Variants in OPA3 observed in about 807,000 individuals in gnomAD.
OPA3 encodes optic atrophy 3 protein.
Under a neutral mutation model 4.0 loss-of-function variants are expected in OPA3, and 6 were observed. That is an observed-to-expected ratio of 1.51 (90% CI 0.83 to 2.99). The LOEUF (loss-of-function observed/expected upper bound fraction) is 2.99. OPA3 is among the 30% of genes most tolerant of loss of function. The probability of loss-of-function intolerance (pLI) is 0.00; values close to 1 mark genes in which losing one functional copy is unlikely to be tolerated. For missense variants in OPA3, 235 were observed against 256.2 expected (o/e 0.92, Z 0.56); for synonymous variants, 105 against 117.1 (o/e 0.90, Z 0.67).
chr19:45,573,061 T>C (rs934697328), intron 1 of OPA3, among the ~76,000 whole-genome samples: 1 of 151,918 alleles, frequency 6.6e-6, no homozygotes, highest in Non-Finnish European at 1.5e-5. Flanking sequence ...AGTCAGTGGC[T>C]ACAAATTCTC....
intron 1 of OPA3, among the ~76,000 whole-genome samples, chr19:45,576,549 A>C (rs1182414542): frequency 7.2e-6 from 1 of 138,800 alleles, no homozygotes; most frequent in African/African-American, 2.8e-5. Flanking sequence ...CCCCCCCCCA[A>C]AAAAAAAAGT....
At position 45,551,034 on chromosome 19, in the gene OPA3, C is replaced by T. The variant is rs1025295524; in HGVS notation, c.*2480G>A. 12 of 848,778 alleles carry T rather than the reference C, an allele frequency of 1.4e-5. No individual in the cohort carries two copies. Among genetic ancestry groups the T allele is most frequent in the Middle Eastern group, 6.0e-4 (1 of 1,666 alleles). The allele number at this position is 848,778 out of a possible 1,614,324, so 52.6% of individuals were successfully genotyped here. A position where few individuals can be genotyped will look rare whatever the true frequency, so the allele number is the denominator to read the frequency against. On this transcript the variant is annotated 3_prime_UTR_variant, in exon 2 of 2. Coordinates refer to ENST00000263275, the MANE Select transcript of OPA3 (RefSeq NM_025136.4). Reference sequence around the variant, plus strand: ...GGAGTGTAGTGGCGCGATCACGGCTCGCTGCAGCCTCGACCTCCAGGGCTC... The same window carrying T: ...GGAGTGTAGTGGCGCGATCACGGCTTGCTGCAGCCTCGACCTCCAGGGCTC...
chr19:45,565,238 A>C (rs1969565483), intron 1 of OPA3, among the ~76,000 whole-genome samples: 1 of 151,964 alleles, frequency 6.6e-6, no homozygotes. Flanking sequence ...GTCTCAAAAA[A>C]CAAAACAAAA....
chr19:45,572,280 TATATATCGATATATATCTC>T (rs1568408891), intron 1 of OPA3, among the ~76,000 whole-genome samples: 8 of 134,114 alleles, frequency 6.0e-5, no homozygotes, highest in Non-Finnish European at 1.1e-4. Flanking sequence ...ATATATAGTA[TATATATCGATATATATCTC>T]ATATATATCG....
At chr19:45,581,948 G>A (rs567785209) in intron 1 of OPA3, among the ~76,000 whole-genome samples, 13 of 152,066 alleles carry the variant, frequency 8.5e-5, no homozygotes, top group South Asian at 2.1e-4. Context: ...ACAGATGTGC[G>A]CCACCACACC....
Position 45,551,979 on chromosome 19 carries a change from G to A in OPA3, c.*1535C>T. On this transcript the variant is annotated 3_prime_UTR_variant, in exon 2 of 2. Coordinates refer to ENST00000263275, the MANE Select transcript of OPA3 (RefSeq NM_025136.4). ...ACAGTACAAGCTCCAGGGACTCTGA[G>A]GACAGGAAAATAGGGGGCTGAGGCT... The A allele has an allele frequency of 1.0e-6, 1 of 985,538 alleles. No individual in the cohort carries two copies. The highest frequency in any genetic ancestry group is 1.2e-6 in the Non-Finnish European group (1 of 830,034). The allele number at this position is 985,538 out of a possible 1,614,324, so 61.0% of individuals were successfully genotyped here. A position where few individuals can be genotyped will look rare whatever the true frequency, so the allele number is the denominator to read the frequency against.
At chr19:45,569,464 A>C (rs1231491786) in intron 1 of OPA3, among the ~76,000 whole-genome samples, 1 of 152,144 alleles carries the variant, frequency 6.6e-6, no homozygotes, top group African/African-American at 2.4e-5. Flanking sequence ...GTCTCAAAAT[A>C]AACAAAAAAG....
chr19:45,567,992 TGAC>T (rs1232803659), intron 1 of OPA3, among the ~76,000 whole-genome samples: 2 of 152,134 alleles, frequency 1.3e-5, no homozygotes, highest in Non-Finnish European at 2.9e-5. Context: ...ATGATGATGA[TGAC>T]AATGATTATT....
chr19:45,552,842 A>C lies in OPA3; in HGVS notation c.*672T>G, dbSNP rs933462804. 6.6e-5 allele frequency: 16 copies of C among 243,932 alleles called. No individual in the cohort carries two copies. The highest frequency in any genetic ancestry group is 3.5e-4 in the African/African-American group (15 of 43,096). The allele number at this position is 243,932 out of a possible 1,614,324, so 15.1% of individuals were successfully genotyped here. A position where few individuals can be genotyped will look rare whatever the true frequency, so the allele number is the denominator to read the frequency against. ...AAGCGCACCCCACCACACCCGGCTA[A>C]TTTTTGTATTTTTAGTAGAGACGGA... On this transcript the variant is annotated 3_prime_UTR_variant, in exon 2 of 2. Transcript: ENST00000263275.
At chr19:45,561,282 G>A (rs754176111) in intron 1 of OPA3, among the ~76,000 whole-genome samples, 8 of 152,120 alleles carry the variant, frequency 5.3e-5, no homozygotes, top group Non-Finnish European at 1.2e-4. Context: ...ACGGTGAGCC[G>A]AGATCATGCC....
At chr19:45,539,620 A>C (rs1969160118) in intron 1 of OPA3, among the ~76,000 whole-genome samples, 2 of 151,910 alleles carry the variant, frequency 1.3e-5, no homozygotes, top group Admixed American at 6.6e-5. Context: ...CCAGCCAAAA[A>C]ACACAAAAAT....
chr19:45,580,027 C>T lies in OPA3; in HGVS notation c.142+4596G>A, dbSNP rs1253753013. Among the ~76,000 whole-genome samples the T allele has an allele frequency of 1.2e-4, 17 of 143,184 alleles. 1 individual carries two copies. The Middle Eastern group carries it at 0.011, about 94-fold the overall frequency. 93.9% of individuals were successfully genotyped at this position (143,184 alleles called of 152,430 possible). The stretch of plus-strand genomic sequence containing the variant: ...TTTTTTTTTTTTTGATATGGAGTCT[C>T]GCTCTGTCACCCAGGCTGGAGTGTA... On this transcript the variant is annotated intron_variant, in intron 1 of 1. Coordinates refer to ENST00000263275, the MANE Select transcript of OPA3 (RefSeq NM_025136.4).
exon 2 of OPA3, chr19:45,529,378 C>T: frequency 6.2e-7 from 1 of 1,614,198 alleles, no homozygotes; most frequent in African/African-American, 1.3e-5. Context: ...GGCGGCTGCA[C>T]CCTCGTTCAG....
At chr19:45,529,345 C>T in exon 2 of OPA3, 1 of 1,614,202 alleles carries the variant, frequency 6.2e-7, no homozygotes. Context: ...GATGCCCTCG[C>T]CCAGCAGCTC....
chr19:45,551,957 G>A lies in OPA3; in HGVS notation c.*1557C>T. On this transcript the variant is annotated 3_prime_UTR_variant, in exon 2 of 2. Transcript: ENST00000263275. ...AAGGCAAGAAAGGACATGCCACACA[G>A]TACAAGCTCCAGGGACTCTGAGGAC... The A allele has an allele frequency of 1.0e-6, 1 of 985,630 alleles. No homozygotes were observed. The highest frequency in any genetic ancestry group is 1.2e-6 in the Non-Finnish European group (1 of 830,086). 61.1% of individuals were successfully genotyped at this position (985,630 alleles called of 1,614,324 possible). A position where few individuals can be genotyped will look rare whatever the true frequency, so the allele number is the denominator to read the frequency against.
intron 1 of OPA3, among the ~76,000 whole-genome samples, chr19:45,563,242 C>A (rs768644172): frequency 6.6e-6 from 1 of 152,180 alleles, no homozygotes; most frequent in African/African-American, 2.4e-5. Context: ...TCACTGCAAG[C>A]TCCGCCTCCC....
Position 45,548,623 on chromosome 19 carries a change from A to T in OPA3, c.*4891T>A, listed in dbSNP as rs992007411. 1 of 984,216 alleles carries T rather than the reference A, an allele frequency of 1.0e-6. No homozygotes were observed. The allele number at this position is 984,216 out of a possible 1,614,324, so 61.0% of individuals were successfully genotyped here. A position where few individuals can be genotyped will look rare whatever the true frequency, so the allele number is the denominator to read the frequency against. Reference sequence around the variant, plus strand: ...GACCCCAGCATAGGGTGGGGCAGAGAGTGGGTAACTCAGTGAGTTTTGTGT... The same window carrying T: ...GACCCCAGCATAGGGTGGGGCAGAGTGTGGGTAACTCAGTGAGTTTTGTGT... On this transcript the variant is annotated 3_prime_UTR_variant, in exon 2 of 2. Transcript: ENST00000263275.
intron 1 of OPA3, among the ~76,000 whole-genome samples, chr19:45,563,114 A>G (rs1380351199): frequency 2.0e-5 from 3 of 152,164 alleles, no homozygotes; most frequent in African/African-American, 7.2e-5. Flanking sequence ...CAGGTGGGAA[A>G]GGCCTTGCTG....
intron 1 of OPA3, among the ~76,000 whole-genome samples, chr19:45,531,803 T>G (rs1487979478): frequency 6.6e-6 from 1 of 152,224 alleles, no homozygotes; most frequent in African/African-American, 2.4e-5. Flanking sequence ...GCACTGACAT[T>G]GCACCAAGAT....
Sources: gnomAD v4.1 joint callset for allele counts (sites outside exome capture counted in the v4.1 genomes callset) on GRCh38, gnomAD v4.1.1 for gene constraint, MANE v1.5 for transcripts, NCBI Gene and HGNC (gene_info 2026-07-23, HGNC 2026-07-21) for gene names.